UNC13C: variants seen among roughly 807,000 people sequenced by gnomAD.
The protein encoded by UNC13C is unc-13 homolog C.
UNC13C carries 174 observed loss-of-function variants against 245.4 expected under a neutral mutation model. That is an observed-to-expected ratio of 0.71 (90% CI 0.63 to 0.80). The LOEUF (loss-of-function observed/expected upper bound fraction) is 0.80. Among genes scored for constraint, UNC13C ranks in the 30% least tolerant of loss-of-function variants. UNC13C has a pLI of 0.00. For missense variants in UNC13C, 2,829 were observed against 2,602.9 expected, an observed-to-expected ratio of 1.09 and a Z score of -1.89; for synonymous variants, 992 against 895.1, an observed-to-expected ratio of 1.11 and a Z score of -1.93.
downstream of UNC13C, chr15:54,631,344 T>C (rs1010777115): frequency 2.0e-5 from 3 of 152,224 alleles, no homozygotes; most frequent in South Asian, 2.1e-4. Context: ...AGACCCTGTC[T>C]CAAAAAATAT....
chr15:53,976,493 T>TTTTTTTTTTTTTTC (rs1893708910), upstream of UNC13C, among the ~76,000 whole-genome samples: 1 of 142,348 alleles, frequency 7.0e-6, no homozygotes, highest in Non-Finnish European at 1.5e-5. Flanking sequence ...TTTTTTTTTT[T>TTTTTTTTTTTTTTC]TTCAGTCTTG....
At chr15:53,905,024 A>G in the UNC13C span, among the ~76,000 whole-genome samples, 1 of 152,128 alleles carries the variant, frequency 6.6e-6, no homozygotes, top group African/African-American at 2.4e-5. Flanking sequence ...ATAGACAGAA[A>G]ATCACAAGCA....
intron 4 of UNC13C, among the ~76,000 whole-genome samples, chr15:54,205,675 A>C (rs2034685939): frequency 6.6e-6 from 1 of 151,916 alleles, no homozygotes; most frequent in Admixed American, 6.6e-5. Context: ...CTACCATGGG[A>C]CTTGATGTTT....
At chr15:54,526,276 T>G (rs898662866) in intron 25 of UNC13C, among the ~76,000 whole-genome samples, 1 of 152,194 alleles carries the variant, frequency 6.6e-6, no homozygotes, top group Non-Finnish European at 1.5e-5. Context: ...TCACTTCAGT[T>G]CTGTAGGAAA....
chr15:54,269,114 AC>A (rs1361146427), intron 10 of UNC13C, among the ~76,000 whole-genome samples: 1 of 151,860 alleles, frequency 6.6e-6, no homozygotes, highest in Non-Finnish European at 1.5e-5. Context: ...CGTGCAGCAA[AC>A]TATCTACCTT....
In UNC13C at chr15:54,264,363, C is replaced by T. The variant is rs2036502020; in HGVS notation, c.3644C>T (p.Thr1215Ile). 1.2e-6 allele frequency: 2 copies of T among 1,602,350 alleles called. No individual in the cohort carries two copies. Among genetic ancestry groups the T allele is most frequent in the Non-Finnish European group, 1.7e-6 (2 of 1,174,028 alleles). ...GCCAAACAGAGTGTACTGGATGGGA[C>T]ATCTAAGTGGTCTGCAAAAATAACC... Reference protein sequence around the residue: ...KAAKQSVLDGTSKWSAKITIT... With the variant: ...KAAKQSVLDGISKWSAKITIT... The change falls in exon 9 of 33, where the codon ACA becomes ATA. Residue 1215 changes from threonine to isoleucine, a missense_variant. Physicochemically the swap from Thr to Ile is moderately conservative, Grantham distance 89 (BLOSUM62 -1). Transcript: ENST00000260323.
At chr15:54,568,015 A>G (rs1897593261) in intron 30 of UNC13C, 68 bp downstream of exon 30, 2 of 1,214,710 alleles carry the variant, frequency 1.6e-6, no homozygotes, top group Non-Finnish European at 2.2e-6. Flanking sequence ...CATCAGAATT[A>G]TTATACATAG....
chr15:54,310,582 A>T (rs1219033524), intron 13 of UNC13C, among the ~76,000 whole-genome samples: 2 of 151,764 alleles, frequency 1.3e-5, no homozygotes, highest in Non-Finnish European at 2.9e-5. Context: ...TCTTCTAAAA[A>T]TCCTTTCATT....
chr15:54,038,124 A>AAATTTTTTTTTTTT (rs1555406259), intron 2 of UNC13C, among the ~76,000 whole-genome samples: 2 of 45,040 alleles, frequency 4.4e-5, no homozygotes, highest in African/African-American at 2.1e-4. Flanking sequence ...ATATATATAT[A>AAATTTTTTTTTTTT]TTTTTTTTTT....
At chr15:54,009,519 G>C (rs79332849) in intron 1 of UNC13C, among the ~76,000 whole-genome samples, 7,409 of 151,644 alleles carry the variant, frequency 0.049, 300 homozygotes, top group East Asian at 0.16. Context: ...AGATAAAGCA[G>C]TAGGAAAGTA....
At chr15:54,553,379 ATTATG>A (rs1289204001) in intron 28 of UNC13C, among the ~76,000 whole-genome samples, 20 of 127,932 alleles carry the variant, frequency 1.6e-4, no homozygotes, top group African/African-American at 2.3e-4. Context: ...ATTATATTAT[ATTATG>A]TATTAGTATA....
rs577167919 is a variant in UNC13C at position 54,490,585 on chromosome 15, G to A, written c.4934-4023G>A. ...TTGTCTGAAAAACTGACCAGAATGC[G>A]GCCTACTGCTGGCTTTTACCTGCTT... On this transcript the variant is annotated intron_variant, in intron 19 of 32. Coordinates refer to ENST00000260323, the MANE Select transcript of UNC13C (RefSeq NM_001080534.3). 1.8e-4 allele frequency among the ~76,000 whole-genome samples: 27 copies of A among 152,142 alleles called. 1 individual carries two copies. Among genetic ancestry groups the A allele is most frequent in the Admixed American group, 1.0e-3 (16 of 15,272 alleles).
At chr15:54,364,817 C>A (rs1263815588) in intron 17 of UNC13C, among the ~76,000 whole-genome samples, 1 of 152,150 alleles carries the variant, frequency 6.6e-6, no homozygotes, top group Non-Finnish European at 1.5e-5. Flanking sequence ...TTGATTCTCA[C>A]TGATGAATAG....
At chr15:54,138,372 T>C (rs1012840302) in intron 2 of UNC13C, among the ~76,000 whole-genome samples, 2 of 152,122 alleles carry the variant, frequency 1.3e-5, no homozygotes, top group Admixed American at 1.3e-4. Flanking sequence ...ATTAACCTAT[T>C]ACTGAAGTTT....
chr15:53,977,821 A>G (rs1347440862), upstream of UNC13C, among the ~76,000 whole-genome samples: 1 of 152,234 alleles, frequency 6.6e-6, no homozygotes, highest in Admixed American at 6.5e-5. Flanking sequence ...ACATCAAATG[A>G]AAAGACATTA....
At position 54,552,659 on chromosome 15, in the gene UNC13C, T is replaced by TA. The variant is rs1566905013; in HGVS notation, c.5878-2773_5878-2772insA. Among the ~76,000 whole-genome samples the TA allele has an allele frequency of 9.7e-4, 79 of 81,328 alleles. 1 individual carries two copies. Among genetic ancestry groups the TA allele is most frequent in the Non-Finnish European group, 1.5e-3 (74 of 50,916 alleles). The allele number at this position is 81,328 out of a possible 152,430, so 53.4% of individuals were successfully genotyped here. A position where few individuals can be genotyped will look rare whatever the true frequency, so the allele number is the denominator to read the frequency against. On this transcript the variant is annotated intron_variant, in intron 28 of 32. Transcript: ENST00000260323. Reference sequence around the variant, plus strand: ...AATATAATATAATTATATAATTATATTATATTGTACTATATAATATAATTA... The same window carrying TA: ...AATATAATATAATTATATAATTATATATATATTGTACTATATAATATAATTA...
intron 28 of UNC13C, among the ~76,000 whole-genome samples, chr15:54,554,843 A>G (rs1897025982): frequency 6.6e-6 from 1 of 152,068 alleles, no homozygotes; most frequent in African/African-American, 2.4e-5. Context: ...AACAACGAAG[A>G]AATTCCATTG....
At chr15:54,006,214 T>C (rs1219758123) in intron 1 of UNC13C, among the ~76,000 whole-genome samples, 2 of 152,134 alleles carry the variant, frequency 1.3e-5, no homozygotes, top group Non-Finnish European at 2.9e-5. Flanking sequence ...CTCAGTGCCA[T>C]TGTTTACTCT....
At chr15:54,317,344 A>T (rs763730078) in intron 13 of UNC13C, among the ~76,000 whole-genome samples, 1 of 151,854 alleles carries the variant, frequency 6.6e-6, no homozygotes. Context: ...AATTATTCAA[A>T]TTTTCACATA....
Sources: allele counts gnomAD v4.1 joint callset (sites outside exome capture counted in the v4.1 genomes callset), GRCh38; gene constraint gnomAD v4.1.1; transcripts MANE v1.5; gene names NCBI Gene and HGNC (gene_info 2026-07-23, HGNC 2026-07-21).